The following WDR59 variants were observed in gnomAD, a reference collection of about 807,000 sequenced individuals.
WDR59 encodes the protein WD repeat domain 59.
Under a neutral mutation model 131.2 loss-of-function variants are expected in WDR59, and 100 were observed. That is an observed-to-expected ratio of 0.76 (90% CI 0.65 to 0.90). The LOEUF (loss-of-function observed/expected upper bound fraction) is 0.90. Among genes scored for constraint, WDR59 ranks in the 40% least tolerant of loss-of-function variants. The probability of loss-of-function intolerance (pLI) is 0.00; values close to 1 mark genes in which losing one functional copy is unlikely to be tolerated. For missense variants in WDR59, 1,203 were observed against 1,262.2 expected (o/e 0.95, Z 0.71); for synonymous variants, 601 against 466.2 (o/e 1.29, Z -3.72).
intron 8 of WDR59, among the ~76,000 whole-genome samples, chr16:74,927,465 G>A (rs936695021): frequency 1.3e-5 from 2 of 151,878 alleles, no homozygotes; most frequent in South Asian, 2.1e-4. Flanking sequence ...GCACACGCCT[G>A]GAGTCCCAGC....
At chr16:74,974,507 G>A (rs1245130081) in intron 1 of WDR59, among the ~76,000 whole-genome samples, 4 of 152,044 alleles carry the variant, frequency 2.6e-5, no homozygotes, top group East Asian at 1.9e-4. Flanking sequence ...GCAGAAAAGA[G>A]TTGGCACAGC....
chr16:74,911,993 T>C (rs1966117376), intron 14 of WDR59: 2 of 619,202 alleles, frequency 3.2e-6, no homozygotes, highest in Non-Finnish European at 2.7e-6. Flanking sequence ...AGGAAGTCTA[T>C]GACCCAAAAA....
Position 74,893,737 on chromosome 16 carries a change from T to G in WDR59, c.1942A>C (p.Ile648Leu). The change falls in exon 19 of 26, where the codon ATC becomes CTC. Residue 648 changes from isoleucine to leucine, a missense_variant. By Grantham distance (5) the Ile-to-Leu change is conservative (BLOSUM62 2). Coordinates refer to ENST00000262144, the MANE Select transcript of WDR59 (RefSeq NM_030581.4). ...NRQIKAAGKV[I>L]IQDIACLLPV... The stretch of plus-strand genomic sequence containing the variant: ...AGGAGGCAAGCAATATCCTGGATGA[T>G]GACTTTCCCAGCAGCCTTGATCTGT... 1.2e-6 allele frequency: 2 copies of G among 1,614,172 alleles called. No individual in the cohort carries two copies. Among genetic ancestry groups the G allele is most frequent in the Non-Finnish European group, 1.7e-6 (2 of 1,180,028 alleles).
In WDR59 at chr16:74,915,952, T is replaced by C; in HGVS notation, c.1142A>G (p.Lys381Arg). The change falls in exon 13 of 26, where the codon AAA becomes AGA. Residue 381 changes from lysine to arginine, a missense_variant. Physicochemically the swap from Lys to Arg is conservative, Grantham distance 26. Coordinates refer to ENST00000262144, the MANE Select transcript of WDR59 (RefSeq NM_030581.4). ...DPPRNLLEER[K>R]SDQLGLPQTL... ...CTGAGGCAGCCCCAGTTGATCTGAT[T>C]TCCTCTCTTCCAGGAGATTTCTAGG... 6.2e-7 allele frequency: 1 copy of C among 1,614,212 alleles called. No individual in the cohort carries two copies. Among genetic ancestry groups the C allele is most frequent in the Non-Finnish European group, 8.5e-7 (1 of 1,180,016 alleles).
intron 7 of WDR59, among the ~76,000 whole-genome samples, chr16:74,940,562 T>G (rs111851732): frequency 2.6e-5 from 4 of 152,200 alleles, no homozygotes; most frequent in South Asian, 4.1e-4. Flanking sequence ...CTGTTAGCAC[T>G]GACACTGAAC....
intron 11 of WDR59, 114 bp downstream of exon 11, chr16:74,917,815 A>C: frequency 1.1e-6 from 1 of 884,650 alleles, no homozygotes; most frequent in Non-Finnish European, 1.7e-6. Context: ...TCTCAAAAAA[A>C]AAAAAAAAAA....
intron 17 of WDR59, among the ~76,000 whole-genome samples, chr16:74,905,461 C>T (rs1180615758): frequency 6.6e-6 from 1 of 151,726 alleles, no homozygotes; most frequent in Non-Finnish European, 1.5e-5. Context: ...GCAGGCAGAT[C>T]ACGAGGTCAG....
intron 18 of WDR59, among the ~76,000 whole-genome samples, chr16:74,899,494 T>C (rs1965446270): frequency 6.6e-6 from 1 of 152,178 alleles, no homozygotes; most frequent in Non-Finnish European, 1.5e-5. Context: ...CCTGACAATA[T>C]TAGCCATTTG....
In WDR59 at chr16:74,872,233, G is replaced by C. The variant is rs1964024341; in HGVS notation, c.*1976C>G. The C allele has an allele frequency of 1.3e-5, 2 of 152,146 alleles. No homozygotes were observed. Among genetic ancestry groups the C allele is most frequent in the Non-Finnish European group, 2.9e-5 (2 of 68,042 alleles). 9.4% of individuals were successfully genotyped at this position (152,146 alleles called of 1,614,324 possible). A position where few individuals can be genotyped will look rare whatever the true frequency, so the allele number is the denominator to read the frequency against. On this transcript the variant is annotated 3_prime_UTR_variant, in exon 26 of 26. Transcript: ENST00000262144. Reference sequence around the variant, plus strand: ...ATCCACTAATGGGTCCTGACCTGGAGTTTGAAACACATGAATATGCAATGC... The same window carrying C: ...ATCCACTAATGGGTCCTGACCTGGACTTTGAAACACATGAATATGCAATGC...
chr16:74,955,106 T>A (rs934570090), intron 3 of WDR59, among the ~76,000 whole-genome samples: 6 of 152,194 alleles, frequency 3.9e-5, no homozygotes, highest in Non-Finnish European at 7.3e-5. Context: ...AAATGATTAA[T>A]TGTGAAGGAA....
At chr16:74,900,598 T>C (rs1200148451) in intron 18 of WDR59, among the ~76,000 whole-genome samples, 1 of 152,228 alleles carries the variant, frequency 6.6e-6, no homozygotes, top group Non-Finnish European at 1.5e-5. Flanking sequence ...TTTCATCAGC[T>C]ATTAAGAGTC....
Position 74,874,252 on chromosome 16 carries a change from G to C in WDR59, c.2882C>G (p.Pro961Arg). The change falls in exon 26 of 26, where the codon CCC becomes CGC. Residue 961 changes from proline to arginine, a missense_variant. By Grantham distance (103) the Pro-to-Arg change is moderately radical. Transcript: ENST00000262144. ...CAGGCAGTGGCACCCACACCCGGTG[G>C]GACACACCTCCTGGGTCCGAAACCA... ...MEWFRTQEVC[P>R]TGCGCHCLLE... 2.5e-6 allele frequency: 4 copies of C among 1,614,138 alleles called. No individual in the cohort carries two copies. The highest frequency in any genetic ancestry group is 3.4e-6 in the Non-Finnish European group (4 of 1,180,038).
At chr16:74,979,587 C>T (rs186576279) in intron 1 of WDR59, among the ~76,000 whole-genome samples, 1 of 151,844 alleles carries the variant, frequency 6.6e-6, no homozygotes, top group East Asian at 2.0e-4. Context: ...GTCACCCAGG[C>T]TGGAGTGCAG....
intron 3 of WDR59, among the ~76,000 whole-genome samples, chr16:74,953,866 G>C (rs2033142216): frequency 1.3e-5 from 2 of 152,034 alleles, no homozygotes. Flanking sequence ...GCCGGGCATG[G>C]TGGTGGACGC....
intron 15 of WDR59, 53 bp from the exon 16 acceptor site, chr16:74,909,710 C>A: frequency 1.3e-6 from 2 of 1,552,548 alleles, no homozygotes; most frequent in African/African-American, 1.4e-5. Flanking sequence ...TAAAGCTGAA[C>A]TACAAAATAA....
intron 4 of WDR59, among the ~76,000 whole-genome samples, chr16:74,951,256 C>T (rs766691238): frequency 4.0e-5 from 6 of 151,810 alleles, no homozygotes; most frequent in African/African-American, 7.3e-5. Context: ...TCAACAGCTA[C>T]GCGATGGTAC....
At chr16:74,974,142 C>T (rs923917833) in intron 1 of WDR59, among the ~76,000 whole-genome samples, 1 of 152,166 alleles carries the variant, frequency 6.6e-6, no homozygotes, top group Non-Finnish European at 1.5e-5. Flanking sequence ...TGCACTCCAA[C>T]ATGGGCGAAA....
intron 3 of WDR59, 68 bp from the exon 4 acceptor site, chr16:74,951,611 A>G: frequency 7.1e-7 from 1 of 1,403,700 alleles, no homozygotes; most frequent in South Asian, 1.2e-5. Flanking sequence ...CAATCAGCTT[A>G]AGGCAGTGAA....
At chr16:74,883,179 C>G (rs1433725992) in intron 25 of WDR59, among the ~76,000 whole-genome samples, 1 of 151,810 alleles carries the variant, frequency 6.6e-6, no homozygotes, top group Non-Finnish European at 1.5e-5. Context: ...CACGCACCAC[C>G]ACGCCCGGCT....
Sources: gnomAD v4.1 joint callset for allele counts (sites outside exome capture counted in the v4.1 genomes callset) on GRCh38, gnomAD v4.1.1 for gene constraint, MANE v1.5 for transcripts, NCBI Gene and HGNC (gene_info 2026-07-23, HGNC 2026-07-21) for gene names.